WIPF3: variants seen among roughly 807,000 people sequenced by gnomAD.
WIPF3 encodes the protein WAS/WASL-interacting protein family member 3.
In WIPF3, 33 loss-of-function variants were observed where a neutral mutation model predicts 38.9. The observed-to-expected ratio is 0.85, with a 90% CI of 0.64 to 1.14. The LOEUF (loss-of-function observed/expected upper bound fraction) is 1.14. Among genes scored for constraint, WIPF3 ranks in the 50% most tolerant of loss-of-function variants. The pLI is 0.00. For missense variants in WIPF3, 711 were observed against 652.5 expected, an observed-to-expected ratio of 1.09 and a Z score of -0.98; for synonymous variants, 324 against 269.3, an observed-to-expected ratio of 1.20 and a Z score of -1.99.
intron 1 of WIPF3, among the ~76,000 whole-genome samples, chr7:29,824,272 G>T (rs1242384152): frequency 6.6e-6 from 1 of 152,192 alleles, no homozygotes; most frequent in Non-Finnish European, 1.5e-5. Context: ...TCATGCCACT[G>T]CACTCTAGCC....
intron 2 of WIPF3, among the ~76,000 whole-genome samples, chr7:29,867,417 G>A (rs66740665): frequency 0.13 from 19,770 of 152,058 alleles, 1,394 homozygotes; most frequent in Non-Finnish European, 0.16. Context: ...TCTGCCAGGC[G>A]GGGGCATGTT....
intron 2 of WIPF3, among the ~76,000 whole-genome samples, chr7:29,842,449 G>A (rs899815978): frequency 1.3e-5 from 2 of 152,202 alleles, no homozygotes; most frequent in African/African-American, 4.8e-5. Context: ...TACAGTGAGA[G>A]GCTTATCGCA....
At chr7:29,824,573 A>G (rs1426699216) in intron 1 of WIPF3, among the ~76,000 whole-genome samples, 1 of 151,956 alleles carries the variant, frequency 6.6e-6, no homozygotes. Flanking sequence ...AAGAAAAAAA[A>G]GGATATAAGA....
At chr7:29,865,894 C>T (rs1031338488) in intron 2 of WIPF3, among the ~76,000 whole-genome samples, 4 of 152,184 alleles carry the variant, frequency 2.6e-5, no homozygotes, top group Non-Finnish European at 4.4e-5. Flanking sequence ...CATGGTGGCT[C>T]ACGTCTGTAA....
At chr7:29,905,976 C>G (rs1011212529) in intron 8 of WIPF3, 1 of 152,074 alleles carries the variant, frequency 6.6e-6, no homozygotes, top group Admixed American at 6.6e-5. Context: ...AAGATTACAC[C>G]TCAGACTGAT....
At chr7:29,898,157 G>A (rs536498598) in intron 7 of WIPF3, among the ~76,000 whole-genome samples, 49 of 152,212 alleles carry the variant, frequency 3.2e-4, no homozygotes, top group Admixed American at 7.2e-4. Flanking sequence ...GCCTCAGCCC[G>A]TCACTCCCTC....
rs1386434341 is a variant in WIPF3 at position 29,884,522 on chromosome 7, A to C, written c.1028A>C (p.Gln343Pro). Residue 343 changes from glutamine to proline, a missense_variant, in exon 5 of 9, where the codon CAG becomes CCG. Gln to Pro is a moderately conservative substitution (Grantham distance 76). Coordinates refer to ENST00000242140, the MANE Select transcript of WIPF3 (RefSeq NM_001080529.3). ...FQAPPQKAGA[Q>P]ALPAPPAPPG... ...GCCCCACCGCAGAAGGCCGGTGCGC[A>C]GGCCTTGCCCGCCCCGCCTGCCCCT... The C allele has an allele frequency of 1.3e-6, 2 of 1,575,664 alleles. No individual in the cohort carries two copies. Among genetic ancestry groups the C allele is most frequent in the Non-Finnish European group, 1.7e-6 (2 of 1,163,168 alleles).
At chr7:29,817,836 G>T (rs1196504522) in intron 1 of WIPF3, among the ~76,000 whole-genome samples, 1 of 152,028 alleles carries the variant, frequency 6.6e-6, no homozygotes, top group Non-Finnish European at 1.5e-5. Flanking sequence ...AAGCAAACAA[G>T]TTAGTATTTT....
chr7:29,837,461 G>A (rs1295322289), intron 2 of WIPF3, among the ~76,000 whole-genome samples: 2 of 152,198 alleles, frequency 1.3e-5, no homozygotes, highest in Admixed American at 1.3e-4. Context: ...ATTTGATAAT[G>A]TTGACAATAA....
At chr7:29,848,941 A>G (rs1399372904) in intron 2 of WIPF3, among the ~76,000 whole-genome samples, 1 of 152,188 alleles carries the variant, frequency 6.6e-6, no homozygotes, top group Non-Finnish European at 1.5e-5. Context: ...ACAACCTCAC[A>G]TTTAGTGCAA....
chr7:29,896,745 T>C (rs1786153962), intron 7 of WIPF3, among the ~76,000 whole-genome samples: 1 of 152,222 alleles, frequency 6.6e-6, no homozygotes, highest in Non-Finnish European at 1.5e-5. Context: ...TTATGTGTAT[T>C]TTACAACAAT....
intron 1 of WIPF3, among the ~76,000 whole-genome samples, chr7:29,809,321 G>C (rs61318884): frequency 6.6e-6 from 1 of 152,206 alleles, no homozygotes; most frequent in African/African-American, 2.4e-5. Flanking sequence ...GAGCAATTTA[G>C]AAATAGCTCT....
intron 6 of WIPF3, among the ~76,000 whole-genome samples, chr7:29,888,887 T>A (rs1368187308): frequency 6.6e-6 from 1 of 152,082 alleles, no homozygotes; most frequent in Non-Finnish European, 1.5e-5. Context: ...TCTGCCCACC[T>A]CTCCCTCCCC....
At chr7:29,832,611 A>G (rs1296859147) in intron 1 of WIPF3, among the ~76,000 whole-genome samples, 2 of 152,212 alleles carry the variant, frequency 1.3e-5, no homozygotes, top group Non-Finnish European at 2.9e-5. Context: ...CCTTCTTTCA[A>G]GGAGCCTGAA....
rs192501477 is a variant in WIPF3, at chr7:29,811,049, C to T, written c.-58+4371C>T. On this transcript the variant is annotated intron_variant, in intron 1 of 8. Transcript: ENST00000242140. The stretch of plus-strand genomic sequence containing the variant: ...AACTACAGGCACGTGCCACCATGCC[C>T]GGCTAATTTTTTTTTATTTTTTGTA... 5.7e-3 allele frequency among the ~76,000 whole-genome samples: 852 copies of T among 149,796 alleles called. 7 individuals carry two copies. Among genetic ancestry groups the T allele is most frequent in the African/African-American group, 0.019 (787 of 40,362 alleles).
intron 2 of WIPF3, among the ~76,000 whole-genome samples, chr7:29,849,646 A>G (rs1785060587): frequency 6.6e-6 from 1 of 152,110 alleles, no homozygotes. Flanking sequence ...CTTAAAGCCA[A>G]CTCTAAGAGA....
At chr7:29,890,364 AAAAAAAAAG>A (rs1252294072) in intron 7 of WIPF3, among the ~76,000 whole-genome samples, 55 of 81,808 alleles carry the variant, frequency 6.7e-4, no homozygotes, top group African/African-American at 1.8e-3. Context: ...CAAAAAAAAA[AAAAAAAAAG>A]AGAGAGAGAG....
At chr7:29,842,185 G>C (rs1179002094) in intron 2 of WIPF3, among the ~76,000 whole-genome samples, 3 of 152,174 alleles carry the variant, frequency 2.0e-5, no homozygotes, top group Admixed American at 2.0e-4. Context: ...CAGCATTTGT[G>C]TTTATTTATA....
chr7:29,846,465 C>G (rs1785002529), intron 2 of WIPF3, among the ~76,000 whole-genome samples: 1 of 152,204 alleles, frequency 6.6e-6, no homozygotes, highest in South Asian at 2.1e-4. Context: ...CTTTGGGAGG[C>G]CCAGGCAGGT....
Sources: gnomAD v4.1 joint callset for allele counts (sites outside exome capture counted in the v4.1 genomes callset) on GRCh38, gnomAD v4.1.1 for gene constraint, MANE v1.5 for transcripts, NCBI Gene and HGNC (gene_info 2026-07-23, HGNC 2026-07-21) for gene names.